Variants in PRAG1 observed in about 807,000 individuals in gnomAD.
PRAG1 encodes the protein PEAK1 related, kinase-activating pseudokinase 1.
PRAG1 carries 110 observed loss-of-function variants against 95.6 expected under a neutral mutation model. The ratio of observed to expected loss-of-function variants is 1.15; its 90% CI spans 0.99 to 1.35. The LOEUF is 1.35. Among genes scored for constraint, PRAG1 ranks in the 40% most tolerant of loss-of-function variants. The probability of loss-of-function intolerance (pLI) is 0.00; values close to 1 mark genes in which losing one functional copy is unlikely to be tolerated. For synonymous variants in PRAG1, 1,052 were observed against 819.4 expected, an observed-to-expected ratio of 1.28 and a Z score of -4.85; for missense variants, 2,554 against 1,864.7, an observed-to-expected ratio of 1.37 and a Z score of -6.81.
intron 3 of PRAG1, among the ~76,000 whole-genome samples, chr8:8,366,812 T>C (rs1414558199): frequency 1.3e-5 from 2 of 151,870 alleles, no homozygotes; most frequent in African/African-American, 4.8e-5. Flanking sequence ...CAAGTAGCTG[T>C]AACTACAGGT....
chr8:8,348,717 T>C (rs914873481), intron 3 of PRAG1, among the ~76,000 whole-genome samples: 2 of 152,206 alleles, frequency 1.3e-5, no homozygotes, highest in Admixed American at 1.3e-4. Flanking sequence ...TATTTCAGTC[T>C]TCTCTGACCC....
chr8:8,329,740 G>A (rs1409949263), intron 4 of PRAG1, among the ~76,000 whole-genome samples: 1 of 152,120 alleles, frequency 6.6e-6, no homozygotes, highest in African/African-American at 2.4e-5. Context: ...ATAGATCCCT[G>A]AGGCTCAAAC....
At chr8:8,359,512 A>C (rs184853862) in intron 3 of PRAG1, among the ~76,000 whole-genome samples, 1 of 152,320 alleles carries the variant, frequency 6.6e-6, no homozygotes, top group East Asian at 1.9e-4. Flanking sequence ...TCTGATTGAT[A>C]GCTCTAAGGT....
chr8:8,337,747 C>T (rs879664809), intron 4 of PRAG1, among the ~76,000 whole-genome samples: 6 of 152,166 alleles, frequency 3.9e-5, no homozygotes, highest in Non-Finnish European at 8.8e-5. Context: ...CAGAAACGAA[C>T]ATGAGAAAAC....
Position 8,376,241 on chromosome 8 carries a change from ACTCAC to A in PRAG1, c.2162+1_2162+5del. On this transcript the variant is annotated splice_donor_variant and splice_donor_5th_base_variant and intron_variant, in intron 3 of 5. Transcript: ENST00000615670. LOFTEE classifies it high-confidence loss of function. ...GACAGAGTCCCAGGCAGACAATGGT[ACTCAC>A]CGCGACTTTGGAGGCGGAGGAGGAG... 6.2e-7 allele frequency: 1 copy of A among 1,610,010 alleles called. No homozygotes were observed.
At chr8:8,333,859 T>C (rs1056117999) in intron 4 of PRAG1, among the ~76,000 whole-genome samples, 8 of 152,232 alleles carry the variant, frequency 5.3e-5, no homozygotes, top group African/African-American at 1.9e-4. Context: ...GGAGAAAACC[T>C]CACCCATACC....
At chr8:8,334,141 A>G (rs1469780852) in intron 4 of PRAG1, among the ~76,000 whole-genome samples, 1 of 152,186 alleles carries the variant, frequency 6.6e-6, no homozygotes, top group Non-Finnish European at 1.5e-5. Context: ...AGAAGAAAAA[A>G]CAAAAACAAA....
intron 3 of PRAG1, among the ~76,000 whole-genome samples, chr8:8,371,258 C>G (rs914519990): frequency 6.6e-6 from 1 of 151,626 alleles, no homozygotes; most frequent in African/African-American, 2.4e-5. Context: ...TTCAATTGAG[C>G]GAAAACTTTC....
Position 8,318,171 on chromosome 8 carries a change from G to A in PRAG1, c.4204C>T (p.Leu1402Phe). 6.2e-7 allele frequency: 1 copy of A among 1,613,322 alleles called. No homozygotes were observed. Among genetic ancestry groups the A allele is most frequent in the East Asian group, 2.2e-5 (1 of 44,884 alleles). The change falls in exon 6 of 6, where the codon CTC becomes TTC. Residue 1402 changes from leucine (L) to phenylalanine (F), a missense_variant. Leu to Phe is a conservative substitution (Grantham distance 22, BLOSUM62 0). Transcript: ENST00000615670. The surrounding 1 kb of genome is among the most constrained non-coding windows in gnomAD (Gnocchi z 4.2). ...EPGALLQSLK[L>F]LQLL ...GGCTTGGCTCACAGAAGCTGCAGGA[G>A]CTTCAGCGACTGTAAGAGGGCCCCG...
At chr8:8,342,107 G>C (rs566146808) in intron 3 of PRAG1, among the ~76,000 whole-genome samples, 1 of 152,006 alleles carries the variant, frequency 6.6e-6, no homozygotes, top group African/African-American at 2.4e-5. Flanking sequence ...CTCCAGCCTG[G>C]GTGACAGAGT....
In PRAG1 at chr8:8,361,788, T is replaced by C. The variant is rs753627859; in HGVS notation, c.2162+14459A>G. ...GGCCAAACAACTGCTGGCTGGAGGA[T>C]TGGCTCTTTAGTTCAAATGAAGCAA... On this transcript the variant is annotated intron_variant, in intron 3 of 5. Coordinates refer to ENST00000615670, the MANE Select transcript of PRAG1 (RefSeq NM_001080826.3). Among the ~76,000 whole-genome samples the C allele has an allele frequency of 5.9e-5, 9 of 152,370 alleles. No individual in the cohort carries two copies. In the East Asian group the frequency reaches 7.7e-4, roughly 13 times the overall value.
intron 3 of PRAG1, among the ~76,000 whole-genome samples, chr8:8,348,076 C>T (rs1299039493): frequency 6.6e-6 from 1 of 152,134 alleles, no homozygotes; most frequent in African/African-American, 2.4e-5. Context: ...GCCACCACAC[C>T]CGGTTAAGTT....
Position 8,370,000 on chromosome 8 carries a change from C to T in PRAG1, c.2162+6247G>A, listed in dbSNP as rs79508087. 8.0e-4 allele frequency among the ~76,000 whole-genome samples: 122 copies of T among 152,262 alleles called. 2 individuals carry two copies. In the East Asian group the frequency reaches 0.022, roughly 27 times the overall value. On this transcript the variant is annotated intron_variant, in intron 3 of 5. Coordinates refer to ENST00000615670, the MANE Select transcript of PRAG1 (RefSeq NM_001080826.3). ...AGAACCCCAGTAACTGGCTTTTTAG[C>T]GCCTTGCACAGAGCCCACTCAAAAG...
intron 3 of PRAG1, among the ~76,000 whole-genome samples, chr8:8,350,764 C>T (rs1360262648): frequency 1.3e-5 from 2 of 152,220 alleles, no homozygotes; most frequent in Non-Finnish European, 2.9e-5. Flanking sequence ...TAATCTCTCT[C>T]TGTTTCAGCT....
At chr8:8,371,365 A>T (rs948753367) in intron 3 of PRAG1, among the ~76,000 whole-genome samples, 4 of 151,380 alleles carry the variant, frequency 2.6e-5, no homozygotes, top group African/African-American at 9.7e-5. Context: ...GGTTCACGTC[A>T]TTCTCCTGCC....
chr8:8,337,470 A>AAGAG (rs950633457), intron 4 of PRAG1, among the ~76,000 whole-genome samples: 1 of 151,534 alleles, frequency 6.6e-6, no homozygotes, highest in Non-Finnish European at 1.5e-5. Flanking sequence ...TGTCAAAAAG[A>AAGAG]AGAGAGAGAG....
chr8:8,375,078 TAA>T (rs35967149), intron 3 of PRAG1, among the ~76,000 whole-genome samples: 26 of 142,842 alleles, frequency 1.8e-4, no homozygotes, highest in South Asian at 1.1e-3. Context: ...GCTCAATAAC[TAA>T]AAAAAAAAAA....
chr8:8,358,623 A>G (rs1360697302), intron 3 of PRAG1, among the ~76,000 whole-genome samples: 1 of 152,244 alleles, frequency 6.6e-6, no homozygotes, highest in Non-Finnish European at 1.5e-5. Flanking sequence ...TTGGTGCTAC[A>G]AAGAAGAATC....
intron 5 of PRAG1, among the ~76,000 whole-genome samples, chr8:8,326,066 C>T (rs1448992820): frequency 1.3e-5 from 2 of 149,556 alleles, no homozygotes; most frequent in Non-Finnish European, 3.0e-5. Flanking sequence ...GAAAGGTCAG[C>T]TGTCTCTTGA....
Sources: allele counts gnomAD v4.1 joint callset (sites outside exome capture counted in the v4.1 genomes callset), GRCh38; gene constraint gnomAD v4.1.1; non-coding constraint Gnocchi (gnomAD v3.1); transcripts MANE v1.5; gene names NCBI Gene and HGNC (gene_info 2026-07-23, HGNC 2026-07-21).